The following DNAH5 variants were observed in gnomAD, a reference collection of about 807,000 sequenced individuals.
DNAH5 encodes the protein axonemal beta dynein heavy chain 5.
DNAH5 carries 372 observed loss-of-function variants against 518.2 expected under a neutral mutation model. That is an observed-to-expected ratio of 0.72 (90% CI 0.66 to 0.78). The LOEUF (loss-of-function observed/expected upper bound fraction) is 0.78, where lower values mean the gene tolerates loss of function less well. DNAH5 is among the 30% of genes least tolerant of loss of function. DNAH5 has a pLI of 0.00. For synonymous variants in DNAH5, 2,039 were observed against 2,025.9 expected, an observed-to-expected ratio of 1.01 and a Z score of -0.17; for missense variants, 5,523 against 5,687.0, an observed-to-expected ratio of 0.97 and a Z score of 0.93.
chr5:13,841,031 C>T lies in DNAH5; in HGVS notation c.5584G>A (p.Ala1862Thr). 1 of 1,614,150 alleles carries T rather than the reference C, an allele frequency of 6.2e-7. No homozygotes were observed. Among genetic ancestry groups the T allele is most frequent in the Non-Finnish European group, 8.5e-7 (1 of 1,180,012 alleles). Reference sequence around the variant, plus strand: ...AATGTATTGAGTAGCTCCAGGAAAGCCTGATTAGTTTTCTGCATGATTTTT... The same window carrying T: ...AATGTATTGAGTAGCTCCAGGAAAGTCTGATTAGTTTTCTGCATGATTTTT... ...DKKIMQKTNQAFLELLNTLID... is the reference protein window; with the variant it reads ...DKKIMQKTNQTFLELLNTLID... Residue 1862 changes from alanine to threonine, a missense_variant, in exon 34 of 79, where the codon GCT becomes ACT. Transcript: ENST00000265104.
At chr5:13,924,079 T>C (rs1305933226) in intron 3 of DNAH5, among the ~76,000 whole-genome samples, 3 of 152,104 alleles carry the variant, frequency 2.0e-5, no homozygotes, top group Admixed American at 1.3e-4. Flanking sequence ...AGCTGTGACA[T>C]GTTCCAAGTC....
intron 1 of DNAH5, among the ~76,000 whole-genome samples, chr5:13,942,865 A>G (rs561911732): frequency 6.6e-6 from 1 of 152,306 alleles, no homozygotes; most frequent in Non-Finnish European, 1.5e-5. Flanking sequence ...ACCTAACACG[A>G]CGGTCGTGAA....
intron 68 of DNAH5, among the ~76,000 whole-genome samples, chr5:13,729,962 A>G (rs781558165): frequency 2.6e-4 from 40 of 152,344 alleles, no homozygotes; most frequent in Non-Finnish European, 5.3e-4. Context: ...ATGAGCATCA[A>G]TTTTCAATAT....
intron 1 of DNAH5, among the ~76,000 whole-genome samples, chr5:13,944,049 T>C (rs1276999283): frequency 6.6e-6 from 1 of 152,156 alleles, no homozygotes; most frequent in African/African-American, 2.4e-5. Flanking sequence ...AATCACCAAC[T>C]AAAGTTTACA....
chr5:13,712,151 C>A lies in DNAH5; in HGVS notation c.13125+2254G>T, dbSNP rs529042712. Among the ~76,000 whole-genome samples, 3 of 152,238 alleles carry A rather than the reference C, an allele frequency of 2.0e-5. No individual in the cohort carries two copies. The South Asian group carries it at 6.2e-4, about 32-fold the overall frequency. ...TAGACCAACTGAATAGAACAGAGAACCCAGAAATAAACCCAAATACTTACA... is the reference window on the plus strand; with the variant it reads ...TAGACCAACTGAATAGAACAGAGAAACCAGAAATAAACCCAAATACTTACA... On this transcript the variant is annotated intron_variant, in intron 75 of 78. Coordinates refer to ENST00000265104, the MANE Select transcript of DNAH5 (RefSeq NM_001369.3).
intron 64 of DNAH5, among the ~76,000 whole-genome samples, chr5:13,751,921 A>T (rs1397768727): frequency 6.6e-6 from 1 of 152,136 alleles, no homozygotes; most frequent in Admixed American, 6.6e-5. Context: ...ATGCAGTCAG[A>T]CCCTTTTCAC....
At chr5:13,721,715 T>C (rs1745083017) in intron 70 of DNAH5, among the ~76,000 whole-genome samples, 1 of 152,226 alleles carries the variant, frequency 6.6e-6, no homozygotes, top group Admixed American at 6.5e-5. Flanking sequence ...AATGAATTAG[T>C]TTTTAAAGAT....
chr5:13,976,006 G>T (rs563850637), intron 1 of DNAH5, among the ~76,000 whole-genome samples: 1 of 152,078 alleles, frequency 6.6e-6, no homozygotes, highest in Non-Finnish European at 1.5e-5. Flanking sequence ...TCCAGCCTGA[G>T]AAATAAAACA....
chr5:14,001,150 GAGA>G (rs1359590210), intron 1 of DNAH5, among the ~76,000 whole-genome samples: 1 of 152,176 alleles, frequency 6.6e-6, no homozygotes, highest in Non-Finnish European at 1.5e-5. Flanking sequence ...CGAGGGGAGA[GAGA>G]AGGAGAGGAC....
At chr5:13,805,380 C>T (rs1349178560) in intron 47 of DNAH5, among the ~76,000 whole-genome samples, 2 of 152,106 alleles carry the variant, frequency 1.3e-5, no homozygotes, top group East Asian at 1.9e-4. Flanking sequence ...TGCCTATAAT[C>T]CCAGCTACTC....
At chr5:13,901,899 C>T (rs2151963856) in intron 13 of DNAH5, among the ~76,000 whole-genome samples, 154 bp downstream of exon 13, 1 of 152,150 alleles carries the variant, frequency 6.6e-6, no homozygotes, top group South Asian at 2.1e-4. Flanking sequence ...AGGATTAATC[C>T]TCTGAAAAAC....
chr5:13,874,068 T>A (rs1041219766), intron 22 of DNAH5, among the ~76,000 whole-genome samples: 1 of 152,210 alleles, frequency 6.6e-6, no homozygotes, highest in Non-Finnish European at 1.5e-5. Context: ...TCAGGTTCAA[T>A]GGATGTTGAT....
chr5:13,711,964 A>T (rs1356989000), intron 75 of DNAH5, among the ~76,000 whole-genome samples: 1 of 152,182 alleles, frequency 6.6e-6, no homozygotes, highest in Admixed American at 6.5e-5. Flanking sequence ...ATTCAATGCA[A>T]TCCCTATCAA....
At chr5:13,985,238 T>C (rs1782954887) in intron 1 of DNAH5, among the ~76,000 whole-genome samples, 1 of 129,148 alleles carries the variant, frequency 7.7e-6, no homozygotes, top group Admixed American at 9.2e-5. Context: ...CGAGAACACT[T>C]GGACACAGGA....
rs141969815 is a variant in DNAH5 at position 13,891,073 on chromosome 5, C to T, written c.2480G>A (p.Arg827His). ...CATTTCTTCTAGAATGGCATCAATG[C>T]GGAACTCAATCAAATCATTGACCCT... ...LDRVNDLIEF[R>H]IDAILEEMSS... Residue 827 changes from arginine (R) to histidine (H), a missense_variant, in exon 17 of 79, where the codon CGC becomes CAC. By Grantham distance (29) the Arg-to-His change is conservative (BLOSUM62 0). Coordinates refer to ENST00000265104, the MANE Select transcript of DNAH5 (RefSeq NM_001369.3). The T allele has an allele frequency of 3.2e-5, 52 of 1,614,006 alleles. 1 individual carries two copies. The Middle Eastern group carries it at 6.6e-4, about 20-fold the overall frequency.
chr5:13,776,395 C>T lies in DNAH5; in HGVS notation c.9373+44G>A, dbSNP rs767364702. On this transcript the variant is annotated intron_variant, in intron 55 of 78. Transcript: ENST00000265104. ...AAGCATCCCTGAAAGAACTAGAATC[C>T]TTGAACACATGTTATGCCCTGGCAT... The T allele has an allele frequency of 1.3e-5, 21 of 1,612,916 alleles. No homozygotes were observed. The South Asian group carries it at 1.5e-4, about 12-fold the overall frequency.
At chr5:13,719,878 T>C (rs892234187) in intron 71 of DNAH5, among the ~76,000 whole-genome samples, 4 of 152,124 alleles carry the variant, frequency 2.6e-5, no homozygotes, top group African/African-American at 9.7e-5. Flanking sequence ...TAGAAAATAA[T>C]AAGCCATATA....
Position 13,830,300 on chromosome 5 carries a change from G to A in DNAH5, c.6062-87C>T, listed in dbSNP as rs576707392. ...GGATATTATGTAGCTGCTAAAATGA[G>A]CCAGATGTAAGTTCATTCAAAAGTA... On this transcript the variant is annotated intron_variant, in intron 36 of 78. Transcript: ENST00000265104. 8 of 1,239,868 alleles carry A rather than the reference G, an allele frequency of 6.5e-6. No individual in the cohort carries two copies. The East Asian group carries it at 2.0e-4, about 31-fold the overall frequency. 76.8% of individuals were successfully genotyped at this position (1,239,868 alleles called of 1,614,324 possible). A position where few individuals can be genotyped will look rare whatever the true frequency, so the allele number is the denominator to read the frequency against.
Position 13,920,486 on chromosome 5 carries a change from T to C in DNAH5, c.792A>G (p.Thr264=), listed in dbSNP as rs1358293206. ...TTTGGTTTCTCAAAATTACCTGTTC[T>C]GTCTGTTTGATCCATACTTTCATGC... ...EDCMKVWIKQ[T]EQVLAENNQL... The change falls in exon 6 of 79, where the codon ACA becomes ACG. Residue 264 remains threonine, a synonymous_variant. Transcript: ENST00000265104. 11 of 1,614,090 alleles carry C rather than the reference T, an allele frequency of 6.8e-6. No homozygotes were observed. Among genetic ancestry groups the C allele is most frequent in the African/African-American group, 1.3e-5 (1 of 74,944 alleles).
Sources: allele counts gnomAD v4.1 joint callset (sites outside exome capture counted in the v4.1 genomes callset), GRCh38; gene constraint gnomAD v4.1.1; transcripts MANE v1.5; gene names NCBI Gene and HGNC (gene_info 2026-07-23, HGNC 2026-07-21).